CLMN: variants seen among roughly 807,000 people sequenced by gnomAD.
CLMN encodes the protein calmin (calponin-like, transmembrane).
Under a neutral mutation model 92.7 loss-of-function variants are expected in CLMN, and 57 were observed. That is an observed-to-expected ratio of 0.61 (90% CI 0.50 to 0.77). CLMN has a LOEUF of 0.77. Ranked by LOEUF, CLMN falls within the 30% of genes least tolerant of loss-of-function variation. The pLI, the probability that CLMN is intolerant of heterozygous loss-of-function variation, is 0.00. For synonymous variants in CLMN, 466 were observed against 470.6 expected (o/e 0.99, Z 0.13); for missense variants, 1,158 against 1,237.5 (o/e 0.94, Z 0.96).
chr14:95,245,212 A>ATATATATATATAT (rs1165179726), intron 1 of CLMN, among the ~76,000 whole-genome samples: 6 of 30,990 alleles, frequency 1.9e-4, no homozygotes, highest in Middle Eastern at 0.019. Flanking sequence ...TATATATTAT[A>ATATATATATATAT]TATATATATA....
intron 1 of CLMN, among the ~76,000 whole-genome samples, chr14:95,231,292 GTTCA>G (rs1198054564): frequency 6.6e-6 from 1 of 151,552 alleles, no homozygotes; most frequent in Non-Finnish European, 1.5e-5. Context: ...CGCCTCCCGG[GTTCA>G]TGCCATTCTC....
At chr14:95,242,249 T>C in intron 1 of CLMN, among the ~76,000 whole-genome samples, 1 of 134,294 alleles carries the variant, frequency 7.4e-6, no homozygotes, top group African/African-American at 3.2e-5. Context: ...TTTTTCTTTT[T>C]CTTTTTTTTT....
At chr14:95,284,223 A>G in intron 1 of CLMN, among the ~76,000 whole-genome samples, 1 of 152,180 alleles carries the variant, frequency 6.6e-6, no homozygotes, top group Non-Finnish European at 1.5e-5. Flanking sequence ...TCAAGAATTG[A>G]GGTTTGGGAA....
At chr14:95,308,656 C>T (rs976662053) in intron 1 of CLMN, among the ~76,000 whole-genome samples, 5 of 152,150 alleles carry the variant, frequency 3.3e-5, no homozygotes, top group Non-Finnish European at 5.9e-5. Context: ...ACCCCCTCCC[C>T]GCACACACTC....
chr14:95,251,802 T>G (rs1898797411), intron 1 of CLMN, among the ~76,000 whole-genome samples: 1 of 152,218 alleles, frequency 6.6e-6, no homozygotes, highest in Non-Finnish European at 1.5e-5. Flanking sequence ...GTTGGAGTGC[T>G]GGAGCTCCTC....
At chr14:95,272,035 T>C (rs1460456098) in intron 1 of CLMN, among the ~76,000 whole-genome samples, 1 of 152,254 alleles carries the variant, frequency 6.6e-6, no homozygotes, top group Non-Finnish European at 1.5e-5. Flanking sequence ...GCAATTAATC[T>C]ATCCCTTCTC....
intron 1 of CLMN, among the ~76,000 whole-genome samples, chr14:95,286,805 T>C (rs1595096599): frequency 6.6e-6 from 1 of 152,304 alleles, no homozygotes; most frequent in East Asian, 1.9e-4. Flanking sequence ...AGAGAGCACG[T>C]GTCTCACGGT....
intron 1 of CLMN, among the ~76,000 whole-genome samples, chr14:95,245,214 ATATATATATATTAT>A (rs1898458110): frequency 5.8e-5 from 2 of 34,700 alleles, no homozygotes; most frequent in African/African-American, 3.6e-4. Flanking sequence ...TATATTATAT[ATATATATATATTAT>A]ATATATATAT....
rs761775590 is a variant in CLMN at position 95,202,960 on chromosome 14, C to A, written c.2389G>T (p.Val797Leu). The A allele has an allele frequency of 2.5e-6, 4 of 1,614,064 alleles. No homozygotes were observed. Among genetic ancestry groups the A allele is most frequent in the Non-Finnish European group, 2.5e-6 (3 of 1,179,992 alleles). ...GESLPSASDQ[V>L]LYLSRGGVGT... is the part of the protein sequence containing the mutation. ...ACACCACCCCTGCTGAGATACAGCACCTGGTCGCTGGCACTGGGGAGGCTC... is the reference window on the plus strand; with the variant it reads ...ACACCACCCCTGCTGAGATACAGCAACTGGTCGCTGGCACTGGGGAGGCTC... The change falls in exon 9 of 13, where the codon GTG becomes TTG. Residue 797 changes from valine (V) to leucine (L), a missense_variant. Coordinates refer to ENST00000298912, the MANE Select transcript of CLMN (RefSeq NM_024734.4).
chr14:95,259,452 G>A lies in CLMN; in HGVS notation c.83-29319C>T, dbSNP rs1595068886. Among the ~76,000 whole-genome samples, 1 of 152,136 alleles carries A rather than the reference G, an allele frequency of 6.6e-6. No individual in the cohort carries two copies. Among genetic ancestry groups the A allele is most frequent in the African/African-American group, 2.4e-5 (1 of 41,402 alleles). ...CAGAATGTGCACTTTATGAGGACACGGAGGAAACCCCCACCCACCTCTTCC... is the reference window on the plus strand; with the variant it reads ...CAGAATGTGCACTTTATGAGGACACAGAGGAAACCCCCACCCACCTCTTCC... On this transcript the variant is annotated intron_variant, in intron 1 of 12. Transcript: ENST00000298912. This position sits in a 1 kb window ranked among gnomAD's most constrained non-coding sequence, Gnocchi z 4.3.
At chr14:95,262,357 A>C (rs554930676) in intron 1 of CLMN, among the ~76,000 whole-genome samples, 27 of 152,204 alleles carry the variant, frequency 1.8e-4, no homozygotes, top group Non-Finnish European at 3.1e-4. Flanking sequence ...AGGACAACTC[A>C]GCAAGCAGCG....
At chr14:95,264,031 T>C (rs1239279742) in intron 1 of CLMN, among the ~76,000 whole-genome samples, 2 of 151,120 alleles carry the variant, frequency 1.3e-5, no homozygotes, top group African/African-American at 4.9e-5. Context: ...TTTATTTATT[T>C]ATTTATTTAT....
intron 4 of CLMN, 82 bp from the exon 5 acceptor site, chr14:95,215,815 C>CTGTGTGTGTG (rs57063101): frequency 3.0e-5 from 17 of 571,804 alleles, no homozygotes; most frequent in South Asian, 7.3e-5. Flanking sequence ...CTCTCTCTCT[C>CTGTGTGTGTG]TGTGTGTGTG....
chr14:95,203,353 T>G lies in CLMN; in HGVS notation c.1996A>C (p.Thr666Pro). The G allele has an allele frequency of 6.2e-7, 1 of 1,613,974 alleles. No homozygotes were observed. Among genetic ancestry groups the G allele is most frequent in the Non-Finnish European group, 8.5e-7 (1 of 1,179,982 alleles). Residue 666 changes from threonine to proline, a missense_variant, in exon 9 of 13, where the codon ACC becomes CCC. Coordinates refer to ENST00000298912, the MANE Select transcript of CLMN (RefSeq NM_024734.4). The part of the protein sequence containing the change: ...EVHEKAKRKS[T>P]RPHYEEEGED... ...CCCTCTTCCTCATAATGAGGACGGG[T>G]GGACTTTCTCTTGGCCTTTTCATGC...
At chr14:95,266,734 C>T (rs533728661) in intron 1 of CLMN, among the ~76,000 whole-genome samples, 34 of 152,198 alleles carry the variant, frequency 2.2e-4, no homozygotes, top group African/African-American at 4.3e-4. Flanking sequence ...GAATAGCCAA[C>T]GCACTCTTAA....
intron 1 of CLMN, among the ~76,000 whole-genome samples, chr14:95,297,037 T>C (rs188230994): frequency 2.0e-5 from 3 of 152,246 alleles, no homozygotes; most frequent in Admixed American, 1.3e-4. Flanking sequence ...CTGGGCTCGG[T>C]GCTTGCCAGG....
In CLMN at chr14:95,209,454, C is replaced by T. The variant is rs118150470; in HGVS notation, c.826G>A (p.Glu276Lys). ...GCCACGTAAGTCATGATAGACTGCTCGTCTGGTGTGTCAACCATGATGTCT... is the reference window on the plus strand; with the variant it reads ...GCCACGTAAGTCATGATAGACTGCTTGTCTGGTGTGTCAACCATGATGTCT... ...PEDIMVDTPD[E>K]QSIMTYVAQF... The change falls in exon 8 of 13, where the codon GAG becomes AAG. Residue 276 changes from glutamate to lysine, a missense_variant. Transcript: ENST00000298912. 3.1e-3 allele frequency: 5,016 copies of T among 1,614,076 alleles called. 13 individuals carry two copies. Among genetic ancestry groups the T allele is most frequent in the Non-Finnish European group, 3.9e-3 (4,583 of 1,179,948 alleles).
intron 1 of CLMN, among the ~76,000 whole-genome samples, chr14:95,274,963 G>A (rs1048059806): frequency 2.1e-5 from 3 of 145,620 alleles, no homozygotes; most frequent in Non-Finnish European, 4.5e-5. Flanking sequence ...CTGACGACAG[G>A]GCAACACTCT....
chr14:95,233,077 C>A lies in CLMN; in HGVS notation c.83-2944G>T, dbSNP rs537104211. Among the ~76,000 whole-genome samples, 183 of 152,318 alleles carry A rather than the reference C, an allele frequency of 1.2e-3. 1 individual carries two copies. The highest frequency in any genetic ancestry group is 2.4e-3 in the Non-Finnish European group (164 of 68,026). ...AAGGCTGTCCCGGTTTATGCTTTTA[C>A]CCCCACCTGTCTTTAAACAAGTTTA... On this transcript the variant is annotated intron_variant, in intron 1 of 12. Transcript: ENST00000298912.
Sources: allele counts gnomAD v4.1 joint callset (sites outside exome capture counted in the v4.1 genomes callset), GRCh38; gene constraint gnomAD v4.1.1; non-coding constraint Gnocchi (gnomAD v3.1); transcripts MANE v1.5; gene names NCBI Gene and HGNC (gene_info 2026-07-23, HGNC 2026-07-21).